The following FGFR3 variants were observed in gnomAD, a reference collection of about 807,000 sequenced individuals.
The protein encoded by FGFR3 is fibroblast growth factor receptor 3, also known as FGFR-3.
FGFR3 carries 25 observed loss-of-function variants against 82.9 expected under a neutral mutation model. The observed-to-expected ratio is 0.30, with a 90% confidence interval of 0.22 to 0.42. The LOEUF (loss-of-function observed/expected upper bound fraction) is 0.42, where lower values mean the gene tolerates loss of function less well. Ranked by LOEUF, FGFR3 falls within the 10% of genes least tolerant of loss-of-function variation. The probability of loss-of-function intolerance (pLI) is 1.00; values close to 1 mark genes in which losing one functional copy is unlikely to be tolerated. For synonymous variants in FGFR3, 620 were observed against 516.0 expected, an observed-to-expected ratio of 1.20 and a Z score of -2.73; for missense variants, 1,026 against 1,161.0, an observed-to-expected ratio of 0.88 and a Z score of 1.69.
At chr4:1,800,416 G>A (rs940150652) in intron 4 of FGFR3, among the ~76,000 whole-genome samples, 5 of 152,196 alleles carry the variant, frequency 3.3e-5, no homozygotes, top group Non-Finnish European at 7.4e-5. Context: ...GTGCAGGTGA[G>A]GGTCATCGTG....
Position 1,804,313 on chromosome 4 carries a change from C to T in FGFR3, c.1076-17C>T, listed in dbSNP as rs17881967. On this transcript the variant is annotated splice_polypyrimidine_tract_variant and intron_variant, in intron 8 of 17. Transcript: ENST00000440486. ...GGGGGGGGGCCAGGCCAGGCCTCAA[C>T]GCCCATGTCTTTGCAGCCGAGGAGG... 5,719 of 1,585,112 alleles carry T rather than the reference C, an allele frequency of 3.6e-3. 183 individuals are homozygous for T. The African/African-American group carries it at 0.067, about 18-fold the overall frequency.
intron 2 of FGFR3, among the ~76,000 whole-genome samples, chr4:1,797,792 A>AG (rs1720693644): frequency 6.6e-6 from 1 of 152,142 alleles, no homozygotes; most frequent in South Asian, 2.1e-4. Context: ...CGGATGCTTC[A>AG]GGGGATGAGT....
intron 13 of FGFR3, 31 bp downstream of exon 13, chr4:1,805,971 G>C (rs1196693530): frequency 1.2e-6 from 2 of 1,609,630 alleles, no homozygotes; most frequent in African/African-American, 1.3e-5. Flanking sequence ...GGGTGGAGTA[G>C]GCTGGGCCCT....
rs367647863 is a variant in FGFR3 at position 1,806,347 on chromosome 4, C to T, written c.2030+20C>T. The stretch of plus-strand genomic sequence containing the variant: ...TGACGTGTACGTGTCCTGCAGAGCT[C>T]AGGCTTCAGGGGTGGAGGCGGGAAC... On this transcript the variant is annotated intron_variant, in intron 15 of 17. Coordinates refer to ENST00000440486, the MANE Select transcript of FGFR3 (RefSeq NM_000142.5). 8 of 1,612,678 alleles carry T rather than the reference C, an allele frequency of 5.0e-6. No homozygotes were observed. In the African/African-American group the frequency reaches 8.0e-5, roughly 16 times the overall value.
At chr4:1,795,579 G>A (rs1220257861) in intron 2 of FGFR3, among the ~76,000 whole-genome samples, 1 of 152,236 alleles carries the variant, frequency 6.6e-6, no homozygotes, top group Non-Finnish European at 1.5e-5. Context: ...CTAGGCTGGC[G>A]CTTGCCCGGG....
rs2108817483 is a variant in FGFR3 at position 1,807,166 on chromosome 4, G to C, written c.2325G>C (p.Gln775His). 6.2e-7 allele frequency: 1 copy of C among 1,602,218 alleles called. No homozygotes were observed. Among genetic ancestry groups the C allele is most frequent in the Non-Finnish European group, 8.5e-7 (1 of 1,175,106 alleles). ...TCGAGCAGTACTCCCCGGGTGGCCA[G>C]GACACCCCCAGCTCCAGCTCCTCAG... ...APFEQYSPGG[Q>H]DTPSSSSSGD... The change falls in exon 18 of 18, where the codon CAG (glutamine) becomes CAC (histidine). Residue 775 changes from glutamine (Q) to histidine (H), a missense_variant. Around this residue, in one of 9 missense-constraint regions of FGFR3, gnomAD observed 155 missense variants for 150.2 expected, o/e 1.03. Transcript: ENST00000440486.
rs1350193673 is a variant in FGFR3 at position 1,793,879 on chromosome 4, G to A, written c.-56G>A. ...CCCGCCGGTGCCCGCGCCGGGCCGT[G>A]GGGGGCAGCATGCCCGCGCGCGCTG... On this transcript the variant is annotated 5_prime_UTR_variant, in exon 2 of 18. Coordinates refer to ENST00000440486, the MANE Select transcript of FGFR3 (RefSeq NM_000142.5). 4.4e-6 allele frequency: 3 copies of A among 677,808 alleles called. No homozygotes were observed. The highest frequency in any genetic ancestry group is 1.1e-4 in the Admixed American group (2 of 18,010). 42.0% of individuals were successfully genotyped at this position (677,808 alleles called of 1,614,324 possible). A position where few individuals can be genotyped will look rare whatever the true frequency, so the allele number is the denominator to read the frequency against.
At chr4:1,804,273 A>G (rs913567564) in intron 8 of FGFR3, 57 bp from the exon 9 acceptor site, 9 of 1,534,986 alleles carry the variant, frequency 5.9e-6, no homozygotes, top group South Asian at 1.3e-5. Flanking sequence ...AGGGGCATCC[A>G]TGGGAGCCCC....
chr4:1,799,675 CCATCTGGGAGGGG>C, intron 3 of FGFR3, 59 bp from the exon 4 acceptor site: 1 of 1,592,528 alleles, frequency 6.3e-7, no homozygotes, highest in Non-Finnish European at 8.5e-7. Context: ...GGACCCTGCC[CCATCTGGGAGGGG>C]CACCTGGGGG....
In FGFR3 at chr4:1,794,875, C is replaced by T. The variant is rs939182074; in HGVS notation, c.109+832C>T. Among the ~76,000 whole-genome samples, 19 of 151,388 alleles carry T rather than the reference C, an allele frequency of 1.3e-4. 1 individual carries two copies. In the East Asian group the frequency reaches 3.3e-3, roughly 27 times the overall value. On this transcript the variant is annotated intron_variant, in intron 2 of 17. Coordinates refer to ENST00000440486, the MANE Select transcript of FGFR3 (RefSeq NM_000142.5). ...AGCCCGGCGGCCGCGCGGAGGGAGG[C>T]CTTGGCCCGGTGAGCTCGCGCCCCA...
chr4:1,793,309 G>C lies in FGFR3; in HGVS notation c.-259G>C, dbSNP rs1241317157. On this transcript the variant is annotated 5_prime_UTR_variant, in exon 1 of 18. Coordinates refer to ENST00000440486, the MANE Select transcript of FGFR3 (RefSeq NM_000142.5). ...CCCAGGCTCAGTGCGCGGTGGCGGC[G>C]GCGTCGCGGGCAGCTGGCGCCGCGC... 1 of 147,054 alleles carries C rather than the reference G, an allele frequency of 6.8e-6. No homozygotes were observed. The highest frequency in any genetic ancestry group is 2.0e-4 in the East Asian group (1 of 5,042). 9.1% of individuals were successfully genotyped at this position (147,054 alleles called of 1,614,324 possible). A position where few individuals can be genotyped will look rare whatever the true frequency, so the allele number is the denominator to read the frequency against.
At chr4:1,799,916 C>T (rs1720992989) in intron 4 of FGFR3, 104 bp downstream of exon 4, 5 of 1,306,720 alleles carry the variant, frequency 3.8e-6, no homozygotes, top group Non-Finnish European at 5.4e-6. Context: ...CCGGAACAAC[C>T]TCCCTGGGGT....
At chr4:1,807,056 G>A (rs1332830222) in intron 17 of FGFR3, 60 bp from the exon 18 acceptor site, 1 of 1,552,742 alleles carries the variant, frequency 6.4e-7, no homozygotes, top group East Asian at 2.4e-5. Context: ...CCTGGGCACA[G>A]AGGTGGCTGT....
Position 1,808,119 on chromosome 4 carries a change from T to G in FGFR3, c.*857T>G, listed in dbSNP as rs1722201955. On this transcript the variant is annotated 3_prime_UTR_variant, in exon 18 of 18. Coordinates refer to ENST00000440486, the MANE Select transcript of FGFR3 (RefSeq NM_000142.5). ...ACCTGTATATTTGTAAAGCTATTTA[T>G]GGGCCCCTGGCACTCTTGTTCCCAC... 4.3e-6 allele frequency: 1 copy of G among 232,684 alleles called. No individual in the cohort carries two copies. The allele number at this position is 232,684 out of a possible 1,614,324, so 14.4% of individuals were successfully genotyped here.
intron 7 of FGFR3, chr4:1,803,216 C>A: frequency 1.0e-6 from 1 of 961,916 alleles, no homozygotes; most frequent in Non-Finnish European, 1.4e-6. Context: ...GCAGCTCCAG[C>A]CTCCACGGTG....
chr4:1,807,482 T>C lies in FGFR3; in HGVS notation c.*220T>C. The C allele has an allele frequency of 1.3e-6, 1 of 746,364 alleles. No individual in the cohort carries two copies. Among genetic ancestry groups the C allele is most frequent in the Non-Finnish European group, 2.3e-6 (1 of 425,936 alleles). The allele number at this position is 746,364 out of a possible 1,614,324, so 46.2% of individuals were successfully genotyped here. ...TCCAGGTGCAGAGGTACCCTGGGTG[T>C]CCCCGCTGCTGTGCAACGGTCTCCT... On this transcript the variant is annotated 3_prime_UTR_variant, in exon 18 of 18. Transcript: ENST00000440486.
At chr4:1,797,006 C>A (rs1350791281) in intron 2 of FGFR3, among the ~76,000 whole-genome samples, 1 of 152,050 alleles carries the variant, frequency 6.6e-6, no homozygotes, top group African/African-American at 2.4e-5. Flanking sequence ...GGGGTTGGGG[C>A]GCCGGCAGGA....
rs200872971 is a variant in FGFR3, at chr4:1,806,582, G to A, written c.2067G>A (p.Thr689=). 18 of 1,613,052 alleles carry A rather than the reference G, an allele frequency of 1.1e-5. No individual in the cohort carries two copies. The East Asian group carries it at 2.5e-4, about 22-fold the overall frequency. ...SFGVLLWEIF[T]LGGSPYPGIP... is the part of the protein sequence containing the mutation. ...GGGTCCTGCTCTGGGAGATCTTCAC[G>A]CTGGGGGGCTCCCCGTACCCCGGCA... The change falls in exon 16 of 18, where the codon ACG becomes ACA. Residue 689 remains threonine (T), a synonymous_variant. Transcript: ENST00000440486.
intron 10 of FGFR3, 119 bp from the exon 11 acceptor site, chr4:1,805,236 G>T: frequency 6.5e-7 from 1 of 1,548,068 alleles, no homozygotes; most frequent in South Asian, 1.2e-5. Flanking sequence ...GGAGCATGGA[G>T]GGCTTCCTGG....
Sources: allele counts gnomAD v4.1 joint callset (sites outside exome capture counted in the v4.1 genomes callset), GRCh38; gene constraint gnomAD v4.1.1; regional missense constraint gnomAD v4.1.1; transcripts MANE v1.5; gene names NCBI Gene and HGNC (gene_info 2026-07-23, HGNC 2026-07-21).